The following FIBCD1 variants were observed in gnomAD, a reference collection of about 807,000 sequenced individuals.
The protein encoded by FIBCD1 is fibrinogen C domain-containing protein 1.
FIBCD1 carries 47 observed loss-of-function variants against 45.1 expected under a neutral mutation model. The ratio of observed to expected loss-of-function variants is 1.04; its 90% confidence interval spans 0.82 to 1.33. The LOEUF (loss-of-function observed/expected upper bound fraction) is 1.33. Among genes scored for constraint, FIBCD1 ranks in the 40% most tolerant of loss-of-function variants. FIBCD1 has a pLI of 0.00. For synonymous variants in FIBCD1, 313 were observed against 308.1 expected, an observed-to-expected ratio of 1.02 and a Z score of -0.17; for missense variants, 653 against 682.2, an observed-to-expected ratio of 0.96 and a Z score of 0.48.
chr9:130,924,838 C>T (rs1832331352), intron 2 of FIBCD1, among the ~76,000 whole-genome samples: 1 of 152,202 alleles, frequency 6.6e-6, no homozygotes, highest in African/African-American at 2.4e-5. Context: ...CCTCACCACG[C>T]CTCGTCTCCC....
upstream of FIBCD1, among the ~76,000 whole-genome samples, chr9:130,939,817 C>G (rs1047200711): frequency 6.6e-6 from 1 of 152,158 alleles, no homozygotes; most frequent in Non-Finnish European, 1.5e-5. Context: ...GAGCGGCCTT[C>G]GGAGGTAATT....
rs748324459 is a variant in FIBCD1, at chr9:130,926,376, G to A, written c.553-1980C>T. Among the ~76,000 whole-genome samples, 5 of 152,238 alleles carry A rather than the reference G, an allele frequency of 3.3e-5. No individual in the cohort carries two copies. Among genetic ancestry groups the A allele is most frequent in the Non-Finnish European group, 7.3e-5 (5 of 68,046 alleles). ...CGAATTAATGGGGAAGTGAGTCCCT[G>A]CTTGCCGAGCTGCAGAGGCGCATCA... is the stretch of plus-strand genomic sequence containing the variant. On this transcript the variant is annotated intron_variant, in intron 2 of 6. Transcript: ENST00000372338. This position sits in a 1 kb window ranked among gnomAD's most constrained non-coding sequence, Gnocchi z 4.1.
intron 1 of FIBCD1, chr9:130,930,745 CA>C (rs1588113161): frequency 2.2e-6 from 1 of 455,694 alleles, no homozygotes; most frequent in Admixed American, 2.3e-5. Context: ...GCATTTCCCA[CA>C]GTGTGACCTT....
rs1831864769 is a variant in FIBCD1, at chr9:130,903,129, G to GA, written c.*934dup. The stretch of plus-strand genomic sequence containing the variant: ...GGCCTCAGGACCCTGGAGTCCCTGG[G>GA]AAATTGGTGGTGGGGGTTGTACAAG... On this transcript the variant is annotated 3_prime_UTR_variant, in exon 7 of 7. Coordinates refer to ENST00000372338, the MANE Select transcript of FIBCD1 (RefSeq NM_032843.5). 1 of 152,470 alleles carries GA rather than the reference G, an allele frequency of 6.6e-6. No individual in the cohort carries two copies. The highest frequency in any genetic ancestry group is 2.1e-4 in the South Asian group (1 of 4,830). The allele number at this position is 152,470 out of a possible 1,614,324, so 9.4% of individuals were successfully genotyped here.
chr9:130,916,848 A>G (rs935360405), intron 4 of FIBCD1, among the ~76,000 whole-genome samples: 1 of 152,274 alleles, frequency 6.6e-6, no homozygotes, highest in Non-Finnish European at 1.5e-5. Context: ...CTGTAATCCC[A>G]GCACTTTGGG....
chr9:130,922,528 C>T lies in FIBCD1; in HGVS notation c.849+1216G>A, dbSNP rs931361075. Among the ~76,000 whole-genome samples, 2 of 152,090 alleles carry T rather than the reference C, an allele frequency of 1.3e-5. No homozygotes were observed. The highest frequency in any genetic ancestry group is 4.8e-5 in the African/African-American group (2 of 41,426). Reference sequence around the variant, plus strand: ...CATGCCTGGGGCAGCCTGTGGATGACAGGGCCAGAGCGTGGAACCTCCAGG... The same window carrying T: ...CATGCCTGGGGCAGCCTGTGGATGATAGGGCCAGAGCGTGGAACCTCCAGG... On this transcript the variant is annotated intron_variant, in intron 4 of 6. Coordinates refer to ENST00000372338, the MANE Select transcript of FIBCD1 (RefSeq NM_032843.5). The surrounding 1 kb of genome is among the most constrained non-coding windows in gnomAD (Gnocchi z 4.5).
rs1423477080 is a variant in FIBCD1, at chr9:130,905,288, C to G, written c.1072G>C (p.Asp358His). Residue 358 changes from aspartate to histidine, a missense_variant, in exon 6 of 7, where the codon GAC becomes CAC. Transcript: ENST00000372338. The part of the protein sequence containing the change: ...GSFGVGLFSV[D>H]PEEDGYPLTV... ...AGCGGGTACCCGTCTTCCTCAGGGT[C>G]CACGGAGAACAAGCCCACGCCGAAG... 2 of 1,613,892 alleles carry G rather than the reference C, an allele frequency of 1.2e-6. No individual in the cohort carries two copies. The highest frequency in any genetic ancestry group is 1.7e-6 in the Non-Finnish European group (2 of 1,180,030).
At chr9:130,923,350 G>A (rs1001816989) in intron 4 of FIBCD1, among the ~76,000 whole-genome samples, 4 of 152,130 alleles carry the variant, frequency 2.6e-5, no homozygotes, top group African/African-American at 7.2e-5. Context: ...CACACGCGCC[G>A]TGTATTGGGT....
intron 4 of FIBCD1, among the ~76,000 whole-genome samples, chr9:130,921,840 T>G (rs939532904): frequency 2.8e-4 from 43 of 152,230 alleles, no homozygotes; most frequent in African/African-American, 1.0e-3. Flanking sequence ...GCAGCTCCAG[T>G]ACATTTTTAA....
At chr9:130,919,794 G>A (rs1352721433) in intron 4 of FIBCD1, among the ~76,000 whole-genome samples, 1 of 152,220 alleles carries the variant, frequency 6.6e-6, no homozygotes, top group African/African-American at 2.4e-5. Context: ...AGCGGAGCAG[G>A]TAGGTATGGG....
chr9:130,905,131 A>G (rs1831901768), intron 6 of FIBCD1, 103 bp downstream of exon 6: 1 of 1,171,192 alleles, frequency 8.5e-7, no homozygotes, highest in African/African-American at 1.5e-5. Flanking sequence ...TCAAAGGGGG[A>G]AAAATACATT....
chr9:130,910,582 C>A (rs1832019673), intron 5 of FIBCD1, among the ~76,000 whole-genome samples: 1 of 152,272 alleles, frequency 6.6e-6, no homozygotes, highest in South Asian at 2.1e-4. Context: ...GCTAGCTGGG[C>A]TCCTGAGTCT....
At position 130,924,737 on chromosome 9, in the gene FIBCD1, G is replaced by A. The variant is rs1247158618; in HGVS notation, c.553-341C>T. Among the ~76,000 whole-genome samples, 7 of 152,226 alleles carry A rather than the reference G, an allele frequency of 4.6e-5. 1 individual carries two copies. In the East Asian group the frequency reaches 5.8e-4, roughly 13 times the overall value. ...AGGGAAGAGTAAACTGGAGGAGGCC[G>A]TGCCAGGTGGGGAGAGAGTGCCCCG... On this transcript the variant is annotated intron_variant, in intron 2 of 6. Transcript: ENST00000372338.
At chr9:130,939,657 G>T (rs894593736), upstream of FIBCD1, among the ~76,000 whole-genome samples, 1 of 151,498 alleles carries the variant, frequency 6.6e-6, no homozygotes, top group Non-Finnish European at 1.5e-5. Context: ...GCTCGGCCGC[G>T]CTCCCGGCCG....
chr9:130,922,993 G>T lies in FIBCD1; in HGVS notation c.849+751C>A, dbSNP rs913095784. ...ACTTCTTCCGCCCCCAATGCCCCCT[G>T]GCGTGTAAATTCCTCGGGAGGACTG... On this transcript the variant is annotated intron_variant, in intron 4 of 6. Coordinates refer to ENST00000372338, the MANE Select transcript of FIBCD1 (RefSeq NM_032843.5). This position sits in a 1 kb window ranked among gnomAD's most constrained non-coding sequence, Gnocchi z 4.5. 7.9e-5 allele frequency among the ~76,000 whole-genome samples: 12 copies of T among 152,136 alleles called. No homozygotes were observed. The highest frequency in any genetic ancestry group is 1.8e-4 in the Non-Finnish European group (12 of 68,046).
chr9:130,914,298 G>A (rs1281704569), intron 4 of FIBCD1, among the ~76,000 whole-genome samples: 2 of 152,202 alleles, frequency 1.3e-5, no homozygotes, highest in East Asian at 1.9e-4. Context: ...CCAGGCACCA[G>A]CTGCAAAAGC....
At chr9:130,919,024 C>T (rs2133095393) in intron 4 of FIBCD1, among the ~76,000 whole-genome samples, 1 of 152,290 alleles carries the variant, frequency 6.6e-6, no homozygotes, top group Admixed American at 6.5e-5. Context: ...AAACGGTACC[C>T]CCAGGCTTGG....
chr9:130,915,263 C>G (rs1218425787), intron 4 of FIBCD1, among the ~76,000 whole-genome samples: 1 of 152,202 alleles, frequency 6.6e-6, no homozygotes, highest in East Asian at 1.9e-4. Context: ...AGTGACCCCA[C>G]CATCCCCCAG....
chr9:130,931,234 G>A (rs890803078), intron 1 of FIBCD1, among the ~76,000 whole-genome samples: 2 of 152,226 alleles, frequency 1.3e-5, no homozygotes, highest in African/African-American at 4.8e-5. Context: ...AACGGGACCC[G>A]GCGAGGTAGC....
Sources: allele counts gnomAD v4.1 joint callset (sites outside exome capture counted in the v4.1 genomes callset), GRCh38; gene constraint gnomAD v4.1.1; non-coding constraint Gnocchi (gnomAD v3.1); transcripts MANE v1.5; gene names NCBI Gene and HGNC (gene_info 2026-07-23, HGNC 2026-07-21).